The following TUBGCP4 variants were observed in gnomAD, a reference collection of about 807,000 sequenced individuals.
TUBGCP4 encodes gamma-tubulin complex component 4.
A neutral mutation model predicts 91.6 loss-of-function variants in TUBGCP4; 54 were observed. That is an observed-to-expected ratio of 0.59 (90% CI 0.47 to 0.74). The LOEUF is 0.74. Among genes scored for constraint, TUBGCP4 ranks in the 30% least tolerant of loss-of-function variants. The pLI is 0.00. For missense variants in TUBGCP4, 593 were observed against 800.9 expected (o/e 0.74, Z 3.13); for synonymous variants, 297 against 302.8 (o/e 0.98, Z 0.20).
At chr15:43,398,365 G>C (rs2044615701) in intron 13 of TUBGCP4, 186 bp downstream of exon 13, 2 of 446,236 alleles carry the variant, frequency 4.5e-6, no homozygotes, top group Non-Finnish European at 3.8e-6. Context: ...GGGCAACATA[G>C]TAAGACCCCC....
In TUBGCP4 at chr15:43,409,213, G is replaced by T; in HGVS notation, c.*3999G>T. The T allele has an allele frequency of 1.1e-6, 1 of 909,808 alleles. No individual in the cohort carries two copies. The highest frequency in any genetic ancestry group is 1.7e-6 in the Non-Finnish European group (1 of 582,704). The allele number at this position is 909,808 out of a possible 1,614,324, so 56.4% of individuals were successfully genotyped here. A position where few individuals can be genotyped will look rare whatever the true frequency, so the allele number is the denominator to read the frequency against. On this transcript the variant is annotated 3_prime_UTR_variant, in exon 18 of 18. Coordinates refer to ENST00000564079, the MANE Select transcript of TUBGCP4 (RefSeq NM_014444.5). Reference sequence around the variant, plus strand: ...AAGACTCCCAACTACTACCCAAAATGTGATTTAGTCTATCCTGCCCAAGGC... The same window carrying T: ...AAGACTCCCAACTACTACCCAAAATTTGATTTAGTCTATCCTGCCCAAGGC...
intron 1 of TUBGCP4, 44 bp from the exon 2 acceptor site, chr15:43,376,048 AGTTGGG>A: frequency 6.3e-7 from 1 of 1,589,642 alleles, no homozygotes. Flanking sequence ...AGCACCTGAA[AGTTGGG>A]GCAGCGACTG....
chr15:43,374,569 A>G (rs1266698194), intron 1 of TUBGCP4, among the ~76,000 whole-genome samples: 2 of 152,176 alleles, frequency 1.3e-5, no homozygotes, highest in African/African-American at 4.8e-5. Flanking sequence ...CTATGAACCC[A>G]CCACTGTATT....
chr15:43,386,034 T>C (rs2142813182), intron 8 of TUBGCP4, 78 bp downstream of exon 8: 4 of 1,565,294 alleles, frequency 2.6e-6, no homozygotes, highest in Non-Finnish European at 3.5e-6. Context: ...ACAGCATGCC[T>C]GGTCAGAGCG....
intron 13 of TUBGCP4, among the ~76,000 whole-genome samples, chr15:43,398,662 TTGA>T (rs2044621146): frequency 6.6e-6 from 1 of 152,202 alleles, no homozygotes; most frequent in South Asian, 2.1e-4. Context: ...ATAATGGCCC[TTGA>T]TGATTCCATC....
In TUBGCP4 at chr15:43,389,958, C is replaced by T. The variant is rs145210568; in HGVS notation, c.1014+3628C>T. On this transcript the variant is annotated intron_variant, in intron 9 of 17. Coordinates refer to ENST00000564079, the MANE Select transcript of TUBGCP4 (RefSeq NM_014444.5). ...CACCCCTTTATAAGAGTGATTTATTCCCTCTCAGAAGAACAGCATGAGAAA... is the reference window on the plus strand; with the variant it reads ...CACCCCTTTATAAGAGTGATTTATTTCCTCTCAGAAGAACAGCATGAGAAA... 4.1e-3 allele frequency among the ~76,000 whole-genome samples: 626 copies of T among 151,798 alleles called. 3 individuals are homozygous for T. Among genetic ancestry groups the T allele is most frequent in the Non-Finnish European group, 6.8e-3 (463 of 67,918 alleles).
At chr15:43,385,531 C>T in intron 7 of TUBGCP4, 1 of 517,638 alleles carries the variant, frequency 1.9e-6, no homozygotes, top group Non-Finnish European at 3.5e-6. Flanking sequence ...GTCGACTGTG[C>T]AAGTTTTTAC....
Position 43,371,250 on chromosome 15 carries a change from AG to A in TUBGCP4, c.-101del. 1 of 1,163,610 alleles carries A rather than the reference AG, an allele frequency of 8.6e-7. No homozygotes were observed. The highest frequency in any genetic ancestry group is 1.3e-6 in the Non-Finnish European group (1 of 797,362). The allele number at this position is 1,163,610 out of a possible 1,614,324, so 72.1% of individuals were successfully genotyped here. A position where few individuals can be genotyped will look rare whatever the true frequency, so the allele number is the denominator to read the frequency against. ...TGATTCGGCACAAACCGCCCGACCC[AG>A]GGGCCGGTGCGCGTGTGGAAGGGGA... On this transcript the variant is annotated 5_prime_UTR_variant, in exon 1 of 18. Transcript: ENST00000564079.
In TUBGCP4 at chr15:43,406,607, A is replaced by T. The variant is rs1381417034; in HGVS notation, c.*1393A>T. 2.2e-6 allele frequency: 1 copy of T among 455,904 alleles called. No homozygotes were observed. Among genetic ancestry groups the T allele is most frequent in the African/African-American group, 2.0e-5 (1 of 50,062 alleles). 28.2% of individuals were successfully genotyped at this position (455,904 alleles called of 1,614,324 possible). A position where few individuals can be genotyped will look rare whatever the true frequency, so the allele number is the denominator to read the frequency against. On this transcript the variant is annotated 3_prime_UTR_variant, in exon 18 of 18. Coordinates refer to ENST00000564079, the MANE Select transcript of TUBGCP4 (RefSeq NM_014444.5). ...ACTCTTTGACCCTTTACAGAAAAAAACCTTGTTGACCCCTGCTTTAGAGAA... is the reference window on the plus strand; with the variant it reads ...ACTCTTTGACCCTTTACAGAAAAAATCCTTGTTGACCCCTGCTTTAGAGAA...
In TUBGCP4 at chr15:43,408,776, C is replaced by CA; in HGVS notation, c.*3565dup. The CA allele has an allele frequency of 1.0e-6, 1 of 991,240 alleles. No homozygotes were observed. Among genetic ancestry groups the CA allele is most frequent in the South Asian group, 1.6e-5 (1 of 64,292 alleles). 61.4% of individuals were successfully genotyped at this position (991,240 alleles called of 1,614,324 possible). A position where few individuals can be genotyped will look rare whatever the true frequency, so the allele number is the denominator to read the frequency against. ...CTCCTGAAGTCATTTCAAACCCACTCAAATTTATCCCACAGACATTCCAAT... is the reference window on the plus strand; with the variant it reads ...CTCCTGAAGTCATTTCAAACCCACTCAAAATTTATCCCACAGACATTCCAAT... On this transcript the variant is annotated 3_prime_UTR_variant, in exon 18 of 18. Transcript: ENST00000564079.
chr15:43,383,621 T>C, intron 7 of TUBGCP4, 117 bp downstream of exon 7: 1 of 792,260 alleles, frequency 1.3e-6, no homozygotes, highest in Non-Finnish European at 1.9e-6. Context: ...CATCAATCCT[T>C]TCGATGTAAA....
At chr15:43,377,621 AAAAAAAAG>A in intron 4 of TUBGCP4, 3 of 467,844 alleles carry the variant, frequency 6.4e-6, no homozygotes, top group South Asian at 2.8e-5. Flanking sequence ...CAAAAAAAAA[AAAAAAAAG>A]AAAAAAGAAA....
intron 15 of TUBGCP4, chr15:43,403,449 T>G: frequency 2.6e-6 from 1 of 383,254 alleles, no homozygotes; most frequent in Non-Finnish European, 4.8e-6. Flanking sequence ...GATTGGAGGT[T>G]TGGTGCAGGG....
At chr15:43,404,636 T>G in intron 17 of TUBGCP4, 84 bp downstream of exon 17, 1 of 1,460,176 alleles carries the variant, frequency 6.8e-7, no homozygotes, top group Non-Finnish European at 9.4e-7. Context: ...GGAAGAAGAC[T>G]TTAGTCCAAA....
chr15:43,403,768 G>T lies in TUBGCP4; in HGVS notation c.1817G>T (p.Arg606Leu), dbSNP rs769082991. 3 of 1,613,952 alleles carry T rather than the reference G, an allele frequency of 1.9e-6. No homozygotes were observed. In the South Asian group the frequency reaches 3.3e-5, roughly 18 times the overall value. ...CAGAACCTAGGCCCACTGGATGAGC[G>T]TGGAGCCGCCCAGCTGAGCATTCTC... ...VSQNLGPLDERGAAQLSILVK... is the reference protein window; with the variant it reads ...VSQNLGPLDELGAAQLSILVK... The change falls in exon 16 of 18, where the codon CGT becomes CTT. Residue 606 changes from arginine (R) to leucine (L), a missense_variant. Transcript: ENST00000564079.
chr15:43,383,596 T>TG, intron 7 of TUBGCP4, 92 bp downstream of exon 7: 3 of 1,108,262 alleles, frequency 2.7e-6, no homozygotes, highest in Non-Finnish European at 2.5e-6. Context: ...TCTTAGCTCA[T>TG]AGCTGAGCAC....
chr15:43,407,836 T>C lies in TUBGCP4; in HGVS notation c.*2622T>C, dbSNP rs1271350878. On this transcript the variant is annotated 3_prime_UTR_variant, in exon 18 of 18. Coordinates refer to ENST00000564079, the MANE Select transcript of TUBGCP4 (RefSeq NM_014444.5). ...TGGTACTTTTCTTCTCTAAGAAACA[T>C]GGATACGGTCAACCTATTAGGCCTG... The C allele has an allele frequency of 1.5e-5, 18 of 1,170,916 alleles. No individual in the cohort carries two copies. Among genetic ancestry groups the C allele is most frequent in the Admixed American group, 1.2e-4 (5 of 43,290 alleles). 72.5% of individuals were successfully genotyped at this position (1,170,916 alleles called of 1,614,324 possible). A position where few individuals can be genotyped will look rare whatever the true frequency, so the allele number is the denominator to read the frequency against.
chr15:43,397,542 T>G (rs2044602316), intron 12 of TUBGCP4, among the ~76,000 whole-genome samples: 1 of 150,124 alleles, frequency 6.7e-6, no homozygotes, highest in Non-Finnish European at 1.5e-5. Context: ...TTTTTTGGTG[T>G]TTTTTTTTGT....
At chr15:43,403,536 G>T in intron 15 of TUBGCP4, 147 bp from the exon 16 acceptor site, 2 of 617,642 alleles carry the variant, frequency 3.2e-6, no homozygotes, top group Non-Finnish European at 5.8e-6. Flanking sequence ...GGGCTGGCAG[G>T]CCTTGCACGT....
Sources: gnomAD v4.1 joint callset for allele counts (sites outside exome capture counted in the v4.1 genomes callset) on GRCh38, gnomAD v4.1.1 for gene constraint, MANE v1.5 for transcripts, NCBI Gene and HGNC (gene_info 2026-07-23, HGNC 2026-07-21) for gene names.